CES1: variants seen among roughly 807,000 people sequenced by gnomAD.
The protein encoded by CES1 is carboxylesterase 1, also known as liver carboxylesterase 1.
A neutral mutation model predicts 53.0 loss-of-function variants in CES1; 50 were observed. The observed-to-expected ratio is 0.94, with a 90% CI of 0.75 to 1.19. The LOEUF is 1.19. Ranked by LOEUF, CES1 falls within the 50% of genes most tolerant of loss-of-function variation. The pLI is 0.00. For synonymous variants in CES1, 202 were observed against 210.1 expected, an observed-to-expected ratio of 0.96 and a Z score of 0.33; for missense variants, 534 against 538.0, an observed-to-expected ratio of 0.99 and a Z score of 0.07.
intron 8 of CES1, 151 bp downstream of exon 8, chr16:55,816,773 C>G: frequency 1.0e-6 from 1 of 968,040 alleles, no homozygotes; most frequent in Admixed American, 1.7e-5. Flanking sequence ...GCTGTGTTAC[C>G]CAGGTGAGTC....
In CES1 at chr16:55,812,895, C is replaced by T. The variant is rs1182943805; in HGVS notation, c.1086+8G>A. Reference sequence around the variant, plus strand: ...TTGAGTCCCTCCAACAGACATGTGCCTTCTCACCATTGGAATCAACCAGCC... The same window carrying T: ...TTGAGTCCCTCCAACAGACATGTGCTTTCTCACCATTGGAATCAACCAGCC... On this transcript the variant is annotated splice_region_variant and intron_variant, in intron 9 of 13. Coordinates refer to ENST00000360526, the MANE Select transcript of CES1 (RefSeq NM_001025195.2). 2 of 1,614,036 alleles carry T rather than the reference C, an allele frequency of 1.2e-6. No homozygotes were observed. Among genetic ancestry groups the T allele is most frequent in the East Asian group, 4.5e-5 (2 of 44,886 alleles).
In CES1 at chr16:55,818,047, C is replaced by T. The variant is rs28590708; in HGVS notation, c.907-1085G>A. Among the ~76,000 whole-genome samples, 1,075 of 152,304 alleles carry T rather than the reference C, an allele frequency of 7.1e-3. 17 individuals are homozygous for T. Among genetic ancestry groups the T allele is most frequent in the African/African-American group, 0.024 (998 of 41,544 alleles). ...CTGAGCCAAGACCTAAGCACCAATA[C>T]CACATTGGACTCAACTCATGGAAAC... On this transcript the variant is annotated intron_variant, in intron 7 of 13. Transcript: ENST00000360526.
At chr16:55,827,271 GA>G (rs1382767782) in intron 2 of CES1, among the ~76,000 whole-genome samples, 1 of 60,480 alleles carries the variant, frequency 1.7e-5, no homozygotes. Flanking sequence ...AGTGCAAGAG[GA>G]ATAACAATAA....
At position 55,810,545 on chromosome 16, in the gene CES1, T is replaced by C. The variant is rs145233208; in HGVS notation, c.1290A>G (p.Pro430=). The stretch of plus-strand genomic sequence containing the variant: ...TGTGGTTCCGGGCCACAATCACAGA[T>C]GGGACACCAAACATCACATCTGCTA... ...DLIADVMFGV[P]SVIVARNHRD... Residue 430 remains proline, a synonymous_variant, in exon 11 of 14, where the codon CCA becomes CCG. Transcript: ENST00000360526. 45 of 1,614,178 alleles carry C rather than the reference T, an allele frequency of 2.8e-5. No individual in the cohort carries two copies. Among genetic ancestry groups the C allele is most frequent in the Middle Eastern group, 1.6e-4 (1 of 6,062 alleles).
intron 11 of CES1, among the ~76,000 whole-genome samples, chr16:55,810,045 A>C (rs1277212090): frequency 6.6e-6 from 1 of 152,208 alleles, no homozygotes; most frequent in Non-Finnish European, 1.5e-5. Flanking sequence ...TGTGTGCAGC[A>C]GGTCGAAGTC....
chr16:55,826,009 C>A lies in CES1; in HGVS notation c.405+142G>T, dbSNP rs142658406. The stretch of plus-strand genomic sequence containing the variant: ...ACTGATGTGTGGAAAACCAGTGTTT[C>A]CTGTGGAGGCCCTGGGGTCTCTGAA... On this transcript the variant is annotated intron_variant, in intron 3 of 13. Coordinates refer to ENST00000360526, the MANE Select transcript of CES1 (RefSeq NM_001025195.2). 2,158 of 1,064,398 alleles carry A rather than the reference C, an allele frequency of 2.0e-3. 4 individuals are homozygous for A. The highest frequency in any genetic ancestry group is 2.2e-3 in the Non-Finnish European group (1,521 of 688,270). The allele number at this position is 1,064,398 out of a possible 1,614,324, so 65.9% of individuals were successfully genotyped here.
chr16:55,820,106 G>C (rs2032110443), intron 6 of CES1: 1 of 592,782 alleles, frequency 1.7e-6, no homozygotes, highest in African/African-American at 1.9e-5. Flanking sequence ...CTGGCTGCTA[G>C]GGCCATGAGC....
chr16:55,830,819 A>C lies in CES1; in HGVS notation c.53-1845T>G, dbSNP rs71374102. Among the ~76,000 whole-genome samples, 1,045 of 127,124 alleles carry C rather than the reference A, an allele frequency of 8.2e-3. 1 individual carries two copies. Among genetic ancestry groups the C allele is most frequent in the Middle Eastern group, 0.012 (3 of 246 alleles). The allele number at this position is 127,124 out of a possible 152,430, so 83.4% of individuals were successfully genotyped here. On this transcript the variant is annotated intron_variant, in intron 1 of 13. Transcript: ENST00000360526. Reference sequence around the variant, plus strand: ...GAAGGAAGGAAGGAAGGAAGGAAGGAAGGCAGGCAGGCAGGCAGGCAGGCA... The same window carrying C: ...GAAGGAAGGAAGGAAGGAAGGAAGGCAGGCAGGCAGGCAGGCAGGCAGGCA...
At chr16:55,831,211 C>T (rs2032655421) in intron 1 of CES1, among the ~76,000 whole-genome samples, 1 of 152,196 alleles carries the variant, frequency 6.6e-6, no homozygotes. Flanking sequence ...AAAGATCCAT[C>T]AGAATAGGGG....
chr16:55,816,965 G>A lies in CES1; in HGVS notation c.907-3C>T. On this transcript the variant is annotated splice_polypyrimidine_tract_variant and splice_region_variant and intron_variant, in intron 7 of 13. Transcript: ENST00000360526. ...TGTAAGTCCAGAGATAAGAATTTCT[G>A]TGAAGACAAAGGCAGAGGATGTGGG... 3 of 1,614,198 alleles carry A rather than the reference G, an allele frequency of 1.9e-6. No individual in the cohort carries two copies. Among genetic ancestry groups the A allele is most frequent in the Non-Finnish European group, 2.5e-6 (3 of 1,180,014 alleles).
rs1476042902 is a variant in CES1 at position 55,813,023 on chromosome 16, A to C, written c.966T>G (p.Thr322=). 6.2e-7 allele frequency: 1 copy of C among 1,614,004 alleles called. No individual in the cohort carries two copies. Among genetic ancestry groups the C allele is most frequent in the Admixed American group, 1.7e-5 (1 of 60,024 alleles). ...DPRESQPLLG[T]VIDGMLLLKT... ...TCAGCAGCAGCATCCCATCAATCAC[A>C]GTGCCCAGAAGGGGTTGACTCTGGG... The change falls in exon 9 of 14, where the codon ACT becomes ACG. Residue 322 remains threonine (T), a synonymous_variant. Transcript: ENST00000360526.
intron 3 of CES1, among the ~76,000 whole-genome samples, chr16:55,825,094 T>A (rs2032364335): frequency 6.6e-6 from 1 of 152,232 alleles, no homozygotes; most frequent in Admixed American, 6.5e-5. Flanking sequence ...AGGCAGGGGC[T>A]GTGTGGAGTG....
chr16:55,820,852 G>A (rs193293439), intron 5 of CES1, among the ~76,000 whole-genome samples: 20 of 152,060 alleles, frequency 1.3e-4, no homozygotes, highest in Admixed American at 6.5e-4. Context: ...AAAGACTGTC[G>A]CCTCCTTCTT....
chr16:55,812,797 G>T (rs1264869704), intron 9 of CES1, 106 bp downstream of exon 9: 9 of 1,503,220 alleles, frequency 6.0e-6, no homozygotes, highest in African/African-American at 2.8e-5. Context: ...GGGAACAGCT[G>T]CCCAGGACTC....
At chr16:55,828,458 C>A in intron 2 of CES1, among the ~76,000 whole-genome samples, 1 of 152,322 alleles carries the variant, frequency 6.6e-6, no homozygotes, top group South Asian at 2.1e-4. Context: ...ACATAATCCA[C>A]GGAGTAATTT....
At chr16:55,826,388 G>A (rs1222926945) in intron 2 of CES1, 93 bp from the exon 3 acceptor site, 2 of 1,453,838 alleles carry the variant, frequency 1.4e-6, no homozygotes, top group Admixed American at 1.7e-5. Flanking sequence ...GTTTAAGCCT[G>A]GAAATGGACT....
At chr16:55,816,796 T>A (rs2302719) in intron 8 of CES1, 128 bp downstream of exon 8, 22 of 1,176,126 alleles carry the variant, frequency 1.9e-5, no homozygotes, top group Non-Finnish European at 2.3e-5. Context: ...TACCCCTCTC[T>A]GGGCCTCAGA....
At chr16:55,824,361 T>C (rs2032336949) in intron 3 of CES1, among the ~76,000 whole-genome samples, 1 of 152,256 alleles carries the variant, frequency 6.6e-6, no homozygotes, top group South Asian at 2.1e-4. Context: ...ATTCTTGCAT[T>C]TTAAAAGTCC....
intron 10 of CES1, 39 bp downstream of exon 10, chr16:55,810,888 C>T (rs2031659791): frequency 6.4e-7 from 1 of 1,574,656 alleles, no homozygotes; most frequent in Non-Finnish European, 8.7e-7. Flanking sequence ...TTGTCCCTCT[C>T]TGGGTCTCAG....
Sources: gnomAD v4.1 joint callset for allele counts (sites outside exome capture counted in the v4.1 genomes callset) on GRCh38, gnomAD v4.1.1 for gene constraint, MANE v1.5 for transcripts, NCBI Gene and HGNC (gene_info 2026-07-23, HGNC 2026-07-21) for gene names.